Variants in CCDC171 observed in about 807,000 individuals in gnomAD.
CCDC171 encodes coiled-coil domain-containing protein 171.
A neutral mutation model predicts 168.2 loss-of-function variants in CCDC171; 177 were observed. The ratio of observed to expected loss-of-function variants is 1.05; its 90% CI spans 0.93 to 1.19. The LOEUF (loss-of-function observed/expected upper bound fraction) is 1.19. CCDC171 is among the 50% of genes most tolerant of loss of function. CCDC171 has a pLI of 0.00. For missense variants in CCDC171, 1,991 were observed against 1,539.0 expected, an observed-to-expected ratio of 1.29 and a Z score of -4.91; for synonymous variants, 687 against 540.8, an observed-to-expected ratio of 1.27 and a Z score of -3.75.
chr9:15,671,334 T>C (rs2049096250), intron 9 of CCDC171, among the ~76,000 whole-genome samples: 1 of 152,094 alleles, frequency 6.6e-6, no homozygotes, highest in African/African-American at 2.4e-5. Context: ...GGAAAAGTTT[T>C]TTTTTTAAAT....
intron 18 of CCDC171, among the ~76,000 whole-genome samples, chr9:15,749,711 C>T (rs1382039698): frequency 1.3e-5 from 2 of 152,142 alleles, no homozygotes; most frequent in African/African-American, 4.8e-5. Flanking sequence ...ACAACCTGCT[C>T]CTGAATGACT....
chr9:15,572,016 T>A (rs1191700546), intron 3 of CCDC171, among the ~76,000 whole-genome samples: 3 of 152,190 alleles, frequency 2.0e-5, no homozygotes, highest in Admixed American at 6.5e-5. Flanking sequence ...TTAAAATTAT[T>A]TATGAACATG....
In CCDC171 at chr9:16,006,504, A is replaced by G. The variant is rs569819896; in HGVS notation, n.369-14085A>G. Among the ~76,000 whole-genome samples, 160 of 152,254 alleles carry G rather than the reference A, an allele frequency of 1.1e-3. 1 individual carries two copies. Among genetic ancestry groups the G allele is most frequent in the African/African-American group, 3.5e-3 (145 of 41,554 alleles). On this transcript the variant is annotated intron_variant and non_coding_transcript_variant, in intron 3 of 9. Transcript: ENST00000486641. The stretch of plus-strand genomic sequence containing the variant: ...GTGCAGGTTTGTTACATATGTATAC[A>G]TGTGCCATGTTGGTGTGCTGCACCC...
At position 15,967,039 on chromosome 9, in the gene CCDC171, A is replaced by G. The variant is rs149580147; in HGVS notation, c.3754-4570A>G. Among the ~76,000 whole-genome samples, 261 of 152,322 alleles carry G rather than the reference A, an allele frequency of 1.7e-3. 2 individuals are homozygous for G. The highest frequency in any genetic ancestry group is 5.9e-3 in the African/African-American group (244 of 41,582). On this transcript the variant is annotated intron_variant, in intron 25 of 25. Transcript: ENST00000380701. ...ATAGAGTATTCCACAAGAGAAAACT[A>G]TGTGATTTTTGCCAACTCTGGCTGT...
the CCDC171 span, among the ~76,000 whole-genome samples, chr9:16,069,898 A>T: frequency 6.6e-6 from 1 of 152,046 alleles, no homozygotes; most frequent in Non-Finnish European, 1.5e-5. Context: ...CCCAAGCTGG[A>T]TTCTAACATT....
intron 10 of CCDC171, 149 bp from the exon 11 acceptor site, chr9:15,695,086 G>A (rs888087175): frequency 1.7e-6 from 1 of 604,584 alleles, no homozygotes. Context: ...CCAAGTAAAA[G>A]GTATGATTAA....
intron 24 of CCDC171, among the ~76,000 whole-genome samples, chr9:15,903,138 C>G (rs1383462107): frequency 6.6e-6 from 1 of 152,206 alleles, no homozygotes; most frequent in African/African-American, 2.4e-5. Flanking sequence ...CAGCAGAATC[C>G]TCTGCAGACT....
At chr9:16,066,751 G>A in the CCDC171 span, among the ~76,000 whole-genome samples, 7 of 150,356 alleles carry the variant, frequency 4.7e-5, no homozygotes, top group African/African-American at 1.7e-4. Context: ...TGAGAATGAT[G>A]ATTTCCAATT....
chr9:15,969,791 G>C (rs1831163812), intron 25 of CCDC171, among the ~76,000 whole-genome samples: 1 of 152,142 alleles, frequency 6.6e-6, no homozygotes, highest in Non-Finnish European at 1.5e-5. Context: ...GCACTGTAAT[G>C]TTTATAGCTG....
intron 21 of CCDC171, among the ~76,000 whole-genome samples, chr9:15,800,195 G>T (rs920809872): frequency 6.6e-6 from 1 of 152,030 alleles, no homozygotes; most frequent in Non-Finnish European, 1.5e-5. Flanking sequence ...CCTCCAAACT[G>T]TTCTCCATAG....
At chr9:16,067,553 A>G in the CCDC171 span, among the ~76,000 whole-genome samples, 1 of 152,182 alleles carries the variant, frequency 6.6e-6, no homozygotes, top group African/African-American at 2.4e-5. Context: ...CATGTCCTGA[A>G]TAGTAATGCC....
At chr9:16,085,659 C>T in the CCDC171 span, among the ~76,000 whole-genome samples, 1 of 152,240 alleles carries the variant, frequency 6.6e-6, no homozygotes, top group Non-Finnish European at 1.5e-5. Context: ...CCCTGTGATG[C>T]AGACAGAATG....
At chr9:15,906,746 G>A (rs1352775125) in intron 24 of CCDC171, among the ~76,000 whole-genome samples, 1 of 152,140 alleles carries the variant, frequency 6.6e-6, no homozygotes, top group Non-Finnish European at 1.5e-5. Flanking sequence ...CCTGTTTGCA[G>A]ACGACATGAT....
chr9:16,087,557 C>CTTTTTTTTTTTTTTTTTT, the CCDC171 span, among the ~76,000 whole-genome samples: 9 of 78,798 alleles, frequency 1.1e-4, no homozygotes, highest in Admixed American at 2.9e-4. Context: ...GCAACTCCTG[C>CTTTTTTTTTTTTTTTTTT]TTTTTTTTTT....
chr9:15,848,395 C>T (rs1426304685), intron 22 of CCDC171, among the ~76,000 whole-genome samples: 3 of 151,886 alleles, frequency 2.0e-5, no homozygotes, highest in African/African-American at 7.2e-5. Context: ...AGACAAGTCA[C>T]AGAAGAGTTT....
intron 24 of CCDC171, among the ~76,000 whole-genome samples, chr9:15,918,443 C>A (rs972233122): frequency 6.9e-4 from 95 of 138,322 alleles, no homozygotes; most frequent in Non-Finnish European, 1.1e-3. Context: ...AAAAAAAAAA[C>A]CAGGACTTGT....
chr9:16,059,660 G>A (rs1379596116), intron 1 of CCDC171, among the ~76,000 whole-genome samples: 3 of 150,112 alleles, frequency 2.0e-5, no homozygotes, highest in East Asian at 1.9e-4. Context: ...GACTACAGGC[G>A]CCCGCCACCG....
intron 21 of CCDC171, among the ~76,000 whole-genome samples, 160 bp from the exon 22 acceptor site, chr9:15,846,542 G>C (rs774634861): frequency 1.3e-5 from 2 of 152,006 alleles, no homozygotes; most frequent in African/African-American, 2.4e-5. Flanking sequence ...TAATTAGTAC[G>C]TATATAAAAT....
intron 24 of CCDC171, among the ~76,000 whole-genome samples, chr9:15,888,250 T>C (rs974952162): frequency 6.6e-6 from 1 of 152,034 alleles, no homozygotes; most frequent in Non-Finnish European, 1.5e-5. Flanking sequence ...CCTGACTTAA[T>C]TTTTTTTGGT....
Sources: gnomAD v4.1 joint callset for allele counts (sites outside exome capture counted in the v4.1 genomes callset) on GRCh38, gnomAD v4.1.1 for gene constraint, MANE v1.5 for transcripts, NCBI Gene and HGNC (gene_info 2026-07-23, HGNC 2026-07-21) for gene names.